The following FAM227B variants were observed in gnomAD, a reference collection of about 807,000 sequenced individuals.
The protein encoded by FAM227B is protein FAM227B.
Under a neutral mutation model 73.8 loss-of-function variants are expected in FAM227B, and 88 were observed. The observed-to-expected ratio is 1.19, with a 90% CI of 1.00 to 1.42. The LOEUF is 1.42. Among genes scored for constraint, FAM227B ranks in the 40% most tolerant of loss-of-function variants. The probability of loss-of-function intolerance (pLI) is 0.00; values close to 1 mark genes in which losing one functional copy is unlikely to be tolerated. For missense variants in FAM227B, 632 were observed against 590.9 expected (o/e 1.07, Z -0.72); for synonymous variants, 210 against 190.5 (o/e 1.10, Z -0.84).
chr15:49,528,945 C>T (rs1176931366), intron 10 of FAM227B, among the ~76,000 whole-genome samples: 1 of 151,750 alleles, frequency 6.6e-6, no homozygotes, highest in African/African-American at 2.4e-5. Context: ...AATAAAACTA[C>T]CATTGAACCC....
chr15:49,577,351 A>C, intron 6 of FAM227B: 1 of 382,064 alleles, frequency 2.6e-6, no homozygotes, highest in East Asian at 5.4e-5. Context: ...CTTTGAAATT[A>C]AGAACCCTAG....
chr15:49,399,084 A>C (rs762842513), intron 11 of FAM227B, among the ~76,000 whole-genome samples: 19,465 of 129,512 alleles, frequency 0.15, 1,481 homozygotes, highest in Middle Eastern at 0.21. Flanking sequence ...AGGATCAACA[A>C]AATTGATAGA....
At chr15:49,489,860 T>TTA (rs796167274) in intron 11 of FAM227B, among the ~76,000 whole-genome samples, 104 of 6,810 alleles carry the variant, frequency 0.015, 6 homozygotes, top group South Asian at 0.069. Context: ...TATATATATT[T>TTA]TATATATATA....
chr15:49,377,120 G>A (rs1359960227), intron 11 of FAM227B, among the ~76,000 whole-genome samples: 1 of 151,952 alleles, frequency 6.6e-6, no homozygotes. Context: ...ATAAATAATT[G>A]AGAACATGCA....
At chr15:49,536,822 T>C (rs10851478) in intron 10 of FAM227B, among the ~76,000 whole-genome samples, 45,995 of 151,814 alleles carry the variant, frequency 0.3, 8,269 homozygotes, top group East Asian at 0.42. Context: ...GAGGAAAAGA[T>C]AGTTTTTTCA....
Position 49,577,612 on chromosome 15 carries a change from A to C in FAM227B, c.441+17T>G. 2.0e-6 allele frequency: 3 copies of C among 1,518,466 alleles called. No homozygotes were observed. The highest frequency in any genetic ancestry group is 2.7e-6 in the Non-Finnish European group (3 of 1,109,680). 94.1% of individuals were successfully genotyped at this position (1,518,466 alleles called of 1,614,324 possible). A position where few individuals can be genotyped will look rare whatever the true frequency, so the allele number is the denominator to read the frequency against. Reference sequence around the variant, plus strand: ...TACACTTGATATACAATCTGGCAGAACAGAAATTTTAAGTACCTCTATATT... The same window carrying C: ...TACACTTGATATACAATCTGGCAGACCAGAAATTTTAAGTACCTCTATATT... On this transcript the variant is annotated intron_variant, in intron 6 of 15. Transcript: ENST00000299338.
chr15:49,612,209 A>G (rs2077981728), intron 2 of FAM227B, among the ~76,000 whole-genome samples: 2 of 152,174 alleles, frequency 1.3e-5, no homozygotes, highest in South Asian at 2.1e-4. Context: ...GTCATTTAAC[A>G]TTAGGTATAT....
chr15:49,552,322 A>T (rs995133372), intron 9 of FAM227B, among the ~76,000 whole-genome samples: 7 of 152,178 alleles, frequency 4.6e-5, no homozygotes, highest in Non-Finnish European at 8.8e-5. Flanking sequence ...CTTCTGGCCT[A>T]TAAGGTTTCC....
At chr15:49,546,169 T>C (rs2071840907) in intron 9 of FAM227B, among the ~76,000 whole-genome samples, 1 of 152,098 alleles carries the variant, frequency 6.6e-6, no homozygotes, top group South Asian at 2.1e-4. Flanking sequence ...CCATGTGTTC[T>C]CATTGTTCAA....
At chr15:49,448,824 A>G (rs1361369967) in intron 11 of FAM227B, among the ~76,000 whole-genome samples, 1 of 151,798 alleles carries the variant, frequency 6.6e-6, no homozygotes, top group African/African-American at 2.4e-5. Context: ...CTTTTCTTGA[A>G]GCTCTCCAAG....
At chr15:49,376,247 T>C (rs979956207) in intron 11 of FAM227B, among the ~76,000 whole-genome samples, 2 of 152,136 alleles carry the variant, frequency 1.3e-5, no homozygotes, top group African/African-American at 2.4e-5. Flanking sequence ...GAGATTTTTA[T>C]ATTTTTAGCT....
intron 11 of FAM227B, among the ~76,000 whole-genome samples, chr15:49,371,810 T>TC: frequency 7.0e-6 from 1 of 143,486 alleles, no homozygotes; most frequent in East Asian, 2.2e-4. Context: ...CACTTATAAA[T>TC]AAATGAAATA....
At chr15:49,549,126 T>C (rs768522907) in intron 9 of FAM227B, among the ~76,000 whole-genome samples, 30 of 152,096 alleles carry the variant, frequency 2.0e-4, no homozygotes, top group African/African-American at 2.7e-4. Context: ...TCTTTATTGA[T>C]GTAGGCACTT....
intron 13 of FAM227B, among the ~76,000 whole-genome samples, chr15:49,360,682 C>T (rs2044065305): frequency 6.6e-6 from 1 of 152,098 alleles, no homozygotes; most frequent in African/African-American, 2.4e-5. Flanking sequence ...CAAAGTTTTT[C>T]TCCTGTTTTA....
At chr15:49,508,459 A>T (rs2058738727) in intron 10 of FAM227B, 111 bp from the exon 11 acceptor site, 1 of 1,019,550 alleles carries the variant, frequency 9.8e-7, no homozygotes, top group Admixed American at 3.4e-5. Context: ...ACAACAAAAA[A>T]GTTCCTTTTT....
chr15:49,418,078 A>G (rs1003188544), intron 11 of FAM227B, among the ~76,000 whole-genome samples: 2 of 152,244 alleles, frequency 1.3e-5, no homozygotes, highest in Non-Finnish European at 2.9e-5. Context: ...CAATACTGCT[A>G]ATCATTAGAG....
At chr15:49,334,270 C>T in intron 14 of FAM227B, 1 of 982,182 alleles carries the variant, frequency 1.0e-6, no homozygotes, top group Non-Finnish European at 1.2e-6. Flanking sequence ...AGTTTTATTT[C>T]TTCATTAATT....
chr15:49,423,315 T>A, intron 11 of FAM227B: 1 of 152,132 alleles, frequency 6.6e-6, no homozygotes, highest in East Asian at 1.9e-4. Flanking sequence ...ATGGAAACAA[T>A]TATGATTCTG....
intron 13 of FAM227B, chr15:49,366,549 T>A: frequency 1.3e-6 from 2 of 1,582,788 alleles, no homozygotes; most frequent in Non-Finnish European, 1.7e-6. Flanking sequence ...CAATGGGGGT[T>A]ATAAAGCATG....
Sources: gnomAD v4.1 joint callset for allele counts (sites outside exome capture counted in the v4.1 genomes callset) on GRCh38, gnomAD v4.1.1 for gene constraint, MANE v1.5 for transcripts, NCBI Gene and HGNC (gene_info 2026-07-23, HGNC 2026-07-21) for gene names.